The following NKD1 variants were observed in gnomAD, a reference collection of about 807,000 sequenced individuals.
NKD1 encodes protein naked cuticle homolog 1.
A neutral mutation model predicts 56.0 loss-of-function variants in NKD1; 21 were observed. That is an observed-to-expected ratio of 0.38 (90% CI 0.27 to 0.54). The LOEUF is 0.54. Among genes scored for constraint, NKD1 ranks in the 20% least tolerant of loss-of-function variants. The probability of loss-of-function intolerance (pLI) is 0.82; values close to 1 mark genes in which losing one functional copy is unlikely to be tolerated. For synonymous variants in NKD1, 263 were observed against 265.7 expected (o/e 0.99, Z 0.10); for missense variants, 578 against 642.7 (o/e 0.90, Z 1.09).
In NKD1 at chr16:50,638,776, A is replaced by G. The variant is rs1962521856; in HGVS notation, c.*4995A>G. The G allele has an allele frequency of 6.6e-6, 1 of 152,228 alleles. No homozygotes were observed. The highest frequency in any genetic ancestry group is 2.1e-4 in the South Asian group (1 of 4,836). The allele number at this position is 152,228 out of a possible 1,614,324, so 9.4% of individuals were successfully genotyped here. The stretch of plus-strand genomic sequence containing the variant: ...TCTGCCTCCAGCATGAGAAGGGGGA[A>G]TAGGTGAGACCCATTTGCCAGTAGC... On this transcript the variant is annotated 3_prime_UTR_variant, in exon 10 of 10. Transcript: ENST00000268459.
At chr16:50,627,096 C>A (rs1596756532) in intron 6 of NKD1, among the ~76,000 whole-genome samples, 1 of 152,146 alleles carries the variant, frequency 6.6e-6, no homozygotes, top group African/African-American at 2.4e-5. Context: ...CTTTTAAGCA[C>A]CCAGGACTCT....
intron 3 of NKD1, among the ~76,000 whole-genome samples, chr16:50,566,465 C>T (rs368229307): frequency 6.6e-5 from 10 of 152,390 alleles, no homozygotes; most frequent in African/African-American, 9.6e-5. Context: ...GGTCACATCC[C>T]GGAACCCATC....
Position 50,633,828 on chromosome 16 carries a change from C to G in NKD1, c.*47C>G, listed in dbSNP as rs558212186. 1 of 878,626 alleles carries G rather than the reference C, an allele frequency of 1.1e-6. No homozygotes were observed. Among genetic ancestry groups the G allele is most frequent in the East Asian group, 2.8e-5 (1 of 35,188 alleles). The allele number at this position is 878,626 out of a possible 1,614,324, so 54.4% of individuals were successfully genotyped here. ...CCTGCCATATGAAGGACCCCACCCCCGACACCACAAGGCATTATTATTCTA... is the reference window on the plus strand; with the variant it reads ...CCTGCCATATGAAGGACCCCACCCCGGACACCACAAGGCATTATTATTCTA... On this transcript the variant is annotated 3_prime_UTR_variant, in exon 10 of 10. Transcript: ENST00000268459. This position sits in a 1 kb window ranked among gnomAD's most constrained non-coding sequence, Gnocchi z 4.9.
intron 3 of NKD1, chr16:50,606,663 A>G (rs1237686800): frequency 2.4e-6 from 1 of 413,878 alleles, no homozygotes; most frequent in Non-Finnish European, 5.0e-6. Flanking sequence ...GCCAGTAAAA[A>G]GACACGAGTA....
In NKD1 at chr16:50,634,161, GC is replaced by G. The variant is rs1962418047; in HGVS notation, c.*383del. 5.4e-6 allele frequency: 1 copy of G among 185,718 alleles called. No homozygotes were observed. The highest frequency in any genetic ancestry group is 6.2e-5 in the Admixed American group (1 of 16,230). 11.5% of individuals were successfully genotyped at this position (185,718 alleles called of 1,614,324 possible). A position where few individuals can be genotyped will look rare whatever the true frequency, so the allele number is the denominator to read the frequency against. ...TCTTCCAGGAGAGCACCCTTACTTG[GC>G]CCGGCTTCCAGAGACCCTCGAAATC... On this transcript the variant is annotated 3_prime_UTR_variant, in exon 10 of 10. Coordinates refer to ENST00000268459, the MANE Select transcript of NKD1 (RefSeq NM_033119.5).
chr16:50,553,351 A>G (rs1960431998), intron 3 of NKD1: 1 of 152,262 alleles, frequency 6.6e-6, no homozygotes, highest in African/African-American at 2.4e-5. Context: ...GTTCCTTTAC[A>G]GCAGAGCTGC....
intron 3 of NKD1, among the ~76,000 whole-genome samples, chr16:50,581,933 G>A (rs953287791): frequency 2.0e-5 from 3 of 152,196 alleles, no homozygotes; most frequent in African/African-American, 4.8e-5. Flanking sequence ...AGGATTTTGT[G>A]TCCAGGATCT....
At chr16:50,625,699 C>T (rs1000218753) in intron 6 of NKD1, 119 bp downstream of exon 6, 33 of 682,972 alleles carry the variant, frequency 4.8e-5, no homozygotes, top group South Asian at 2.2e-4. Context: ...CAGGGAAGGC[C>T]GTAACAGCCA....
chr16:50,598,820 G>A lies in NKD1; in HGVS notation c.193-9474G>A, dbSNP rs954249686. Among the ~76,000 whole-genome samples the A allele has an allele frequency of 1.3e-5, 2 of 151,580 alleles. No homozygotes were observed. The highest frequency in any genetic ancestry group is 2.1e-4 in the South Asian group (1 of 4,774). The stretch of plus-strand genomic sequence containing the variant: ...TGTGGCAGGATCAGTGGTGCGATGT[G>A]CAGTGGCATGGTAGAGTCAGTGGTG... On this transcript the variant is annotated intron_variant, in intron 3 of 9. Coordinates refer to ENST00000268459, the MANE Select transcript of NKD1 (RefSeq NM_033119.5). This position sits in a 1 kb window ranked among gnomAD's most constrained non-coding sequence, Gnocchi z 4.2.
At chr16:50,552,343 A>T (rs886950344) in intron 3 of NKD1, 2 of 152,224 alleles carry the variant, frequency 1.3e-5, no homozygotes, top group East Asian at 3.8e-4. Flanking sequence ...ATTTGTAGAG[A>T]AGCCCTGTGC....
intron 3 of NKD1, among the ~76,000 whole-genome samples, chr16:50,592,830 G>A (rs1961398551): frequency 6.6e-6 from 1 of 152,260 alleles, no homozygotes; most frequent in African/African-American, 2.4e-5. Context: ...GGCTAGTGCA[G>A]AAGCGGGTGG....
intron 3 of NKD1, among the ~76,000 whole-genome samples, chr16:50,579,953 T>C (rs1286087752): frequency 6.6e-6 from 1 of 151,784 alleles, no homozygotes; most frequent in Non-Finnish European, 1.5e-5. Flanking sequence ...ACACATGCAC[T>C]CTCTTGGTCC....
chr16:50,575,585 A>G (rs991030158), intron 3 of NKD1, among the ~76,000 whole-genome samples: 3 of 152,214 alleles, frequency 2.0e-5, no homozygotes, highest in Non-Finnish European at 4.4e-5. Flanking sequence ...ACTGAGAAGT[A>G]GGTTATGTGC....
chr16:50,559,069 C>T (rs544696848), intron 3 of NKD1, among the ~76,000 whole-genome samples: 61 of 152,348 alleles, frequency 4.0e-4, no homozygotes, highest in African/African-American at 1.3e-3. Context: ...CTCCCCAGCT[C>T]GGTGGCCTTG....
At chr16:50,625,396 C>G (rs1962186510) in intron 5 of NKD1, 89 bp from the exon 6 acceptor site, 2 of 923,142 alleles carry the variant, frequency 2.2e-6, no homozygotes, top group Admixed American at 3.4e-5. Context: ...GTGGCCGCCC[C>G]TTGGCCTGGC....
chr16:50,551,821 G>A (rs946307864), intron 3 of NKD1: 6 of 152,012 alleles, frequency 3.9e-5, no homozygotes, highest in African/African-American at 7.3e-5. Context: ...AGAGTCTAAC[G>A]TGAAGTCCAT....
chr16:50,570,044 T>C (rs1180924446), intron 3 of NKD1, among the ~76,000 whole-genome samples: 1 of 152,120 alleles, frequency 6.6e-6, no homozygotes, highest in East Asian at 1.9e-4. Context: ...GATTTCAAAA[T>C]CTTAACGTAG....
rs796920907 is a variant in NKD1, at chr16:50,635,117, G to A, written c.*1336G>A. 5.9e-5 allele frequency: 9 copies of A among 152,376 alleles called. No individual in the cohort carries two copies. Among genetic ancestry groups the A allele is most frequent in the African/African-American group, 2.2e-4 (9 of 41,566 alleles). The allele number at this position is 152,376 out of a possible 1,614,324, so 9.4% of individuals were successfully genotyped here. A position where few individuals can be genotyped will look rare whatever the true frequency, so the allele number is the denominator to read the frequency against. On this transcript the variant is annotated 3_prime_UTR_variant, in exon 10 of 10. Coordinates refer to ENST00000268459, the MANE Select transcript of NKD1 (RefSeq NM_033119.5). This position sits in a 1 kb window ranked among gnomAD's most constrained non-coding sequence, Gnocchi z 4.1. ...AAAGTGTGGGCTAAGCCTCCCATGA[G>A]AGTGCAGAACCCTGGGGCTAGCAGT...
intron 3 of NKD1, among the ~76,000 whole-genome samples, chr16:50,579,374 C>T (rs1961062308): frequency 1.3e-5 from 2 of 148,150 alleles, no homozygotes; most frequent in Admixed American, 1.3e-4. Context: ...CTACCCGCTA[C>T]ACACGCACTC....
Sources: gnomAD v4.1 joint callset for allele counts (sites outside exome capture counted in the v4.1 genomes callset) on GRCh38, gnomAD v4.1.1 for gene constraint, Gnocchi (gnomAD v3.1) non-coding constraint, MANE v1.5 for transcripts, NCBI Gene and HGNC (gene_info 2026-07-23, HGNC 2026-07-21) for gene names.